The following ST7L variants were observed in gnomAD, a reference collection of about 807,000 sequenced individuals.
The protein encoded by ST7L is suppression of tumorigenicity 7 like, also known as suppressor of tumorigenicity 7 protein-like.
In ST7L, 57 loss-of-function variants were observed where a neutral mutation model predicts 72.5. The ratio of observed to expected loss-of-function variants is 0.79; its 90% CI spans 0.64 to 0.98. The LOEUF is 0.98. ST7L is among the 50% of genes least tolerant of loss of function. The probability of loss-of-function intolerance (pLI) is 0.00; values close to 1 mark genes in which losing one functional copy is unlikely to be tolerated. For missense variants in ST7L, 576 were observed against 672.2 expected, an observed-to-expected ratio of 0.86 and a Z score of 1.58; for synonymous variants, 221 against 240.9, an observed-to-expected ratio of 0.92 and a Z score of 0.77.
intron 6 of ST7L, among the ~76,000 whole-genome samples, chr1:112,588,410 G>A (rs963907475): frequency 5.9e-5 from 9 of 152,166 alleles, no homozygotes; most frequent in South Asian, 2.1e-4. Flanking sequence ...CAGTAAGTAC[G>A]TATTTAGCTG....
intron 11 of ST7L, among the ~76,000 whole-genome samples, chr1:112,573,852 C>G (rs1230042374): frequency 6.6e-6 from 1 of 150,994 alleles, no homozygotes; most frequent in African/African-American, 2.4e-5. Context: ...CAAGATCACA[C>G]CACTGCACTC....
At chr1:112,560,119 G>A (rs1445309167) in intron 11 of ST7L, among the ~76,000 whole-genome samples, 1 of 152,158 alleles carries the variant, frequency 6.6e-6, no homozygotes, top group Non-Finnish European at 1.5e-5. Context: ...TTCGGGCCAG[G>A]CGCAGTGGTT....
At chr1:112,571,956 T>C (rs1662217151) in intron 11 of ST7L, among the ~76,000 whole-genome samples, 1 of 152,216 alleles carries the variant, frequency 6.6e-6, no homozygotes, top group Admixed American at 6.5e-5. Context: ...TAAATGTATT[T>C]CTGAAATAAT....
chr1:112,541,283 GA>G lies in ST7L; in HGVS notation c.1629+667del, dbSNP rs763363532. On this transcript the variant is annotated intron_variant, in intron 14 of 14. Coordinates refer to ENST00000358039, the MANE Select transcript of ST7L (RefSeq NM_017744.5). ...TGGGTCACAGCGAGACCTTGTCTCAGAAAAAAAAAAAAAAGTAAATAGTGAT... is the reference window on the plus strand; with the variant it reads ...TGGGTCACAGCGAGACCTTGTCTCAGAAAAAAAAAAAAAGTAAATAGTGAT... Among the ~76,000 whole-genome samples, 1,163 of 131,446 alleles carry G rather than the reference GA, an allele frequency of 8.8e-3. 5 individuals are homozygous for G. Among genetic ancestry groups the G allele is most frequent in the Non-Finnish European group, 0.013 (773 of 60,660 alleles). The allele number at this position is 131,446 out of a possible 152,430, so 86.2% of individuals were successfully genotyped here.
chr1:112,586,600 A>G (rs757122839), intron 6 of ST7L, among the ~76,000 whole-genome samples: 9 of 152,200 alleles, frequency 5.9e-5, no homozygotes, highest in Non-Finnish European at 1.0e-4. Context: ...TTTTGAATGT[A>G]TATACTTTTA....
intron 14 of ST7L, chr1:112,539,111 T>C (rs557633395): frequency 7.2e-5 from 11 of 152,250 alleles, no homozygotes; most frequent in African/African-American, 2.6e-4. Context: ...TTATTGGGGG[T>C]AGAGTACAGC....
At chr1:112,601,358 G>A (rs1223487419) in intron 3 of ST7L, among the ~76,000 whole-genome samples, 1 of 152,100 alleles carries the variant, frequency 6.6e-6, no homozygotes, top group Admixed American at 6.6e-5. Flanking sequence ...CCATTCTCCA[G>A]CCTCAGCCTC....
chr1:112,555,783 C>G lies in ST7L; in HGVS notation c.1396+85G>C, dbSNP rs568657112. The G allele has an allele frequency of 1.3e-4, 168 of 1,265,208 alleles. 3 individuals carry two copies. The South Asian group carries it at 3.8e-3, about 28-fold the overall frequency. The allele number at this position is 1,265,208 out of a possible 1,614,324, so 78.4% of individuals were successfully genotyped here. A position where few individuals can be genotyped will look rare whatever the true frequency, so the allele number is the denominator to read the frequency against. On this transcript the variant is annotated intron_variant, in intron 12 of 14. Transcript: ENST00000358039. ...CTGAACGACAAATCCTTATGGAAAC[C>G]CAGACAATCTCATTTAAAAAGACTG... is the stretch of plus-strand genomic sequence containing the variant.
intron 11 of ST7L, among the ~76,000 whole-genome samples, chr1:112,570,545 G>GTATATATATATATATATATATA (rs71584748): frequency 1.3e-4 from 17 of 130,886 alleles, no homozygotes; most frequent in Non-Finnish European, 1.9e-4. Context: ...AATAAAAGAT[G>GTATATATATATATATATATATA]TATATATATA....
At position 112,611,022 on chromosome 1, in the gene ST7L, A is replaced by G; in HGVS notation, c.289-19T>C. 6.2e-7 allele frequency: 1 copy of G among 1,611,984 alleles called. No individual in the cohort carries two copies. Among genetic ancestry groups the G allele is most frequent in the Non-Finnish European group, 8.5e-7 (1 of 1,179,222 alleles). On this transcript the variant is annotated intron_variant, in intron 2 of 14. Transcript: ENST00000358039. ...CAAATATCTATGACAAACAGAAAAT[A>G]TCCTGCACTTAGAATCGATCAGCAG...
chr1:112,543,063 G>T (rs1161912032), intron 13 of ST7L, among the ~76,000 whole-genome samples: 1 of 152,092 alleles, frequency 6.6e-6, no homozygotes, highest in Non-Finnish European at 1.5e-5. Context: ...GCCTCCCAAA[G>T]CGCTGGGATT....
chr1:112,611,994 A>T (rs1466488431), intron 2 of ST7L, among the ~76,000 whole-genome samples: 1 of 141,840 alleles, frequency 7.1e-6, no homozygotes, highest in East Asian at 2.1e-4. Context: ...AAAAAAAAAA[A>T]GTCACCTGAC....
chr1:112,562,219 T>G (rs759479115), intron 11 of ST7L, among the ~76,000 whole-genome samples: 2 of 152,270 alleles, frequency 1.3e-5, no homozygotes, highest in African/African-American at 4.8e-5. Context: ...CCTCTCACCT[T>G]GGCCTCTTGA....
At chr1:112,618,861 C>A in intron 1 of ST7L, 48 bp downstream of exon 1, 1 of 1,542,014 alleles carries the variant, frequency 6.5e-7, no homozygotes, top group South Asian at 1.2e-5. Context: ...TTGCCCCCGA[C>A]ATCTCTCCTG....
At chr1:112,530,803 T>C (rs569502337) in intron 14 of ST7L, among the ~76,000 whole-genome samples, 1 of 152,308 alleles carries the variant, frequency 6.6e-6, no homozygotes, top group East Asian at 1.9e-4. Context: ...TCAATAAAGA[T>C]AGGAAATATT....
chr1:112,584,316 A>G (rs988659136), intron 6 of ST7L, among the ~76,000 whole-genome samples, 190 bp from the exon 7 acceptor site: 3 of 151,568 alleles, frequency 2.0e-5, no homozygotes, highest in African/African-American at 7.3e-5. Context: ...TGATTCCACA[A>G]TTCTTCCACT....
At chr1:112,543,158 C>A (rs942746465) in intron 13 of ST7L, among the ~76,000 whole-genome samples, 1 of 152,192 alleles carries the variant, frequency 6.6e-6, no homozygotes, top group Admixed American at 6.6e-5. Context: ...GAGAAAGAGG[C>A]AGACATGTCA....
intron 2 of ST7L, among the ~76,000 whole-genome samples, chr1:112,614,447 T>C (rs1182993947): frequency 1.3e-5 from 2 of 152,218 alleles, no homozygotes; most frequent in Non-Finnish European, 2.9e-5. Flanking sequence ...TAAAATATGC[T>C]TATGTTAAAT....
At chr1:112,564,176 T>C (rs993823007) in intron 11 of ST7L, among the ~76,000 whole-genome samples, 3 of 152,168 alleles carry the variant, frequency 2.0e-5, no homozygotes, top group African/African-American at 4.8e-5. Context: ...AACATAATAC[T>C]ACCTAACAAT....
Sources: allele counts gnomAD v4.1 joint callset (sites outside exome capture counted in the v4.1 genomes callset), GRCh38; gene constraint gnomAD v4.1.1; transcripts MANE v1.5; gene names NCBI Gene and HGNC (gene_info 2026-07-23, HGNC 2026-07-21).